The following MED13L variants were observed in gnomAD, a reference collection of about 807,000 sequenced individuals.
MED13L encodes the protein mediator of RNA polymerase II transcription subunit 13-like.
MED13L carries 7 observed loss-of-function variants against 220.9 expected under a neutral mutation model. The ratio of observed to expected loss-of-function variants is 0.03; its 90% CI spans 0.02 to 0.06. The LOEUF is 0.06. MED13L is among the 10% of genes least tolerant of loss of function. The pLI is 1.00. For synonymous variants in MED13L, 1,011 were observed against 1,015.2 expected (o/e 1.00, Z 0.08); for missense variants, 1,965 against 2,760.5 (o/e 0.71, Z 6.46).
intron 4 of MED13L, among the ~76,000 whole-genome samples, chr12:116,073,206 C>A (rs2137693606): frequency 6.6e-6 from 1 of 151,924 alleles, no homozygotes; most frequent in East Asian, 1.9e-4. Flanking sequence ...TTTTTAAACT[C>A]TAATTTTTAA....
chr12:116,010,001 G>A (rs757201443), intron 9 of MED13L, among the ~76,000 whole-genome samples: 5 of 152,122 alleles, frequency 3.3e-5, no homozygotes, highest in Non-Finnish European at 5.9e-5. Flanking sequence ...GTAACTCTCT[G>A]AGGCCACTAG....
chr12:115,980,969 A>T (rs979111636), intron 22 of MED13L, 31 bp from the exon 23 acceptor site: 12 of 1,587,386 alleles, frequency 7.6e-6, no homozygotes, highest in Non-Finnish European at 1.0e-5. Flanking sequence ...AAAAAACAAA[A>T]ACCAAAAACC....
intron 1 of MED13L, among the ~76,000 whole-genome samples, chr12:116,243,181 T>C: frequency 6.6e-6 from 1 of 152,196 alleles, no homozygotes; most frequent in African/African-American, 2.4e-5. Flanking sequence ...AAAATCACTA[T>C]TCTGATAGCA....
Position 116,270,361 on chromosome 12 carries a change from C to G in MED13L, c.72+6699G>C, listed in dbSNP as rs189149466. On this transcript the variant is annotated intron_variant, in intron 1 of 30. Coordinates refer to ENST00000281928, the MANE Select transcript of MED13L (RefSeq NM_015335.5). ...GTTTCACCATGTTGGCCAGGATGGT[C>G]TCAATCTCCTGACCTCGTGATCCGC... 3.6e-3 allele frequency among the ~76,000 whole-genome samples: 555 copies of G among 152,190 alleles called. 4 individuals are homozygous for G. The highest frequency in any genetic ancestry group is 5.6e-3 in the Non-Finnish European group (384 of 67,996).
At chr12:116,187,192 TG>T (rs1318720186) in intron 2 of MED13L, among the ~76,000 whole-genome samples, 9 of 152,198 alleles carry the variant, frequency 5.9e-5, no homozygotes, top group Non-Finnish European at 1.3e-4. Context: ...ATTTTCTCTA[TG>T]GAAGTCAATA....
intron 2 of MED13L, among the ~76,000 whole-genome samples, chr12:116,219,305 T>C (rs144420842): frequency 2.8e-4 from 43 of 152,344 alleles, no homozygotes; most frequent in African/African-American, 9.9e-4. Context: ...TATTAGTATA[T>C]ATTTCTACAT....
At chr12:116,066,132 T>C (rs1869906294) in intron 4 of MED13L, among the ~76,000 whole-genome samples, 2 of 152,312 alleles carry the variant, frequency 1.3e-5, no homozygotes, top group Non-Finnish European at 2.9e-5. Flanking sequence ...CACACACGTG[T>C]GCACACACAG....
intron 2 of MED13L, among the ~76,000 whole-genome samples, chr12:116,164,629 T>C (rs1879119370): frequency 1.3e-5 from 2 of 152,180 alleles, no homozygotes; most frequent in Admixed American, 6.5e-5. Context: ...TTTTCCACTA[T>C]AGCTTAAGTA....
intron 3 of MED13L, among the ~76,000 whole-genome samples, chr12:116,101,119 TCTC>T (rs1160153316): frequency 3.3e-5 from 5 of 152,110 alleles, no homozygotes; most frequent in Non-Finnish European, 7.3e-5. Context: ...TCTTCTCCCT[TCTC>T]CTCTAATTTG....
At chr12:116,083,404 G>GGA (rs1177240921) in intron 4 of MED13L, among the ~76,000 whole-genome samples, 11 of 79,376 alleles carry the variant, frequency 1.4e-4, no homozygotes, top group African/African-American at 1.9e-4. Flanking sequence ...TGTCTCGAGG[G>GGA]AAAAAAAAAA....
At chr12:116,247,792 G>A (rs1871213949) in intron 1 of MED13L, among the ~76,000 whole-genome samples, 1 of 152,120 alleles carries the variant, frequency 6.6e-6, no homozygotes, top group South Asian at 2.1e-4. Flanking sequence ...TAACTAAAAA[G>A]TATAAAGATT....
At chr12:116,087,564 T>C (rs779991660) in intron 4 of MED13L, among the ~76,000 whole-genome samples, 63 of 152,142 alleles carry the variant, frequency 4.1e-4, no homozygotes, top group Non-Finnish European at 4.1e-4. Flanking sequence ...GATCACACTT[T>C]TCAAAGAAAG....
At chr12:116,026,217 G>A (rs980875716) in intron 4 of MED13L, among the ~76,000 whole-genome samples, 3 of 152,262 alleles carry the variant, frequency 2.0e-5, no homozygotes, top group Admixed American at 1.3e-4. Flanking sequence ...TTAATTTAAG[G>A]ATTGGTTTTA....
intron 2 of MED13L, among the ~76,000 whole-genome samples, chr12:116,221,735 A>T (rs1395657382): frequency 6.6e-6 from 1 of 152,224 alleles, no homozygotes; most frequent in Non-Finnish European, 1.5e-5. Context: ...TGTTAATCAA[A>T]TACTCTTGCT....
chr12:116,276,291 C>A, intron 1 of MED13L: 2 of 431,798 alleles, frequency 4.6e-6, no homozygotes, highest in Non-Finnish European at 3.6e-6. Flanking sequence ...GTTATCAAAC[C>A]GACCAGCTTG....
intron 1 of MED13L, among the ~76,000 whole-genome samples, chr12:116,269,292 C>T (rs1051615684): frequency 8.6e-5 from 13 of 151,928 alleles, no homozygotes; most frequent in Non-Finnish European, 1.5e-4. Context: ...CTCCTGACCT[C>T]ATGATCAGCC....
intron 2 of MED13L, among the ~76,000 whole-genome samples, chr12:116,169,785 G>A (rs1422481973): frequency 1.3e-5 from 2 of 152,168 alleles, no homozygotes; most frequent in Non-Finnish European, 2.9e-5. Flanking sequence ...AAGGCAGGAG[G>A]ATCACTTAAA....
chr12:116,173,544 T>G (rs1419315569), intron 2 of MED13L, among the ~76,000 whole-genome samples: 2 of 152,176 alleles, frequency 1.3e-5, no homozygotes, highest in African/African-American at 4.8e-5. Flanking sequence ...GAAAAATAAT[T>G]ATACATTTTT....
intron 18 of MED13L, 66 bp from the exon 19 acceptor site, chr12:115,986,555 T>C: frequency 7.0e-7 from 1 of 1,437,452 alleles, no homozygotes. Flanking sequence ...AATTTTGAAA[T>C]TCCTGGTGCA....
Sources: allele counts gnomAD v4.1 joint callset (sites outside exome capture counted in the v4.1 genomes callset), GRCh38; gene constraint gnomAD v4.1.1; transcripts MANE v1.5; gene names NCBI Gene and HGNC (gene_info 2026-07-23, HGNC 2026-07-21).